The following TRPV3 variants were observed in gnomAD, a reference collection of about 807,000 sequenced individuals.
The protein encoded by TRPV3 is VRL-3.
In TRPV3, 88 loss-of-function variants were observed where a neutral mutation model predicts 87.1. The ratio of observed to expected loss-of-function variants is 1.01; its 90% CI spans 0.85 to 1.21. The LOEUF is 1.21. Ranked by LOEUF, TRPV3 falls within the 50% of genes most tolerant of loss-of-function variation. The probability of loss-of-function intolerance (pLI) is 0.00; values close to 1 mark genes in which losing one functional copy is unlikely to be tolerated. For synonymous variants in TRPV3, 438 were observed against 423.3 expected, an observed-to-expected ratio of 1.03 and a Z score of -0.43; for missense variants, 1,054 against 1,030.1, an observed-to-expected ratio of 1.02 and a Z score of -0.32.
At position 3,513,854 on chromosome 17, in the gene TRPV3, G is replaced by C. The variant is rs545886104; in HGVS notation, c.*63C>G. ...CCATCCCTCAAAGCCTCTCTGCACA[G>C]AGTCGGTGACTCCGCCTGCAGCGCC... On this transcript the variant is annotated 3_prime_UTR_variant, in exon 18 of 18. Transcript: ENST00000576742. 7.2e-4 allele frequency: 1,016 copies of C among 1,404,968 alleles called. 5 individuals are homozygous for C. In the African/African-American group the frequency reaches 0.01, roughly 14 times the overall value. 87.0% of individuals were successfully genotyped at this position (1,404,968 alleles called of 1,614,324 possible).
At position 3,516,471 on chromosome 17, in the gene TRPV3, GA is replaced by G; in HGVS notation, c.2183del (p.Phe728SerfsTer10). The G allele has an allele frequency of 6.2e-7, 1 of 1,614,030 alleles. No individual in the cohort carries two copies. The highest frequency in any genetic ancestry group is 1.7e-5 in the Admixed American group (1 of 60,004). ...CCCTTTGTTACCGCAAACACAGTCG[GA>G]AATCATCCTCGGCCACTTTGCACAG... ...GELCKVAEDD[F>X]RLCLRINEVK... is the part of the protein sequence containing the mutation. On this transcript the variant is annotated frameshift_variant, in exon 16 of 18. Coordinates refer to ENST00000576742, the MANE Select transcript of TRPV3 (RefSeq NM_145068.4). LOFTEE classifies it high-confidence loss of function.
intron 15 of TRPV3, among the ~76,000 whole-genome samples, chr17:3,517,810 CT>C (rs71153363): frequency 0.87 from 98,367 of 113,170 alleles, 42,551 homozygotes; most frequent in South Asian, 0.95. Flanking sequence ...ATGAGCATTT[CT>C]TTTTTTTTTT....
intron 6 of TRPV3, among the ~76,000 whole-genome samples, chr17:3,539,335 A>T (rs2074437480): frequency 6.6e-6 from 1 of 151,974 alleles, no homozygotes; most frequent in Non-Finnish European, 1.5e-5. Context: ...GGGCTGCTTT[A>T]CAATGAAACT....
At chr17:3,551,913 T>A (rs1281186738) in intron 2 of TRPV3, among the ~76,000 whole-genome samples, 2 of 130,460 alleles carry the variant, frequency 1.5e-5, no homozygotes, top group Admixed American at 1.7e-4. Context: ...GATGGAATCT[T>A]GCTATGTCAC....
chr17:3,534,691 T>G (rs1441974950), intron 7 of TRPV3, among the ~76,000 whole-genome samples: 1 of 152,000 alleles, frequency 6.6e-6, no homozygotes, highest in African/African-American at 2.4e-5. Flanking sequence ...GCTTCTGGAC[T>G]CTGTGACTTG....
chr17:3,516,346 G>T, intron 16 of TRPV3, 111 bp downstream of exon 16: 1 of 843,556 alleles, frequency 1.2e-6, no homozygotes, highest in Non-Finnish European at 2.0e-6. Context: ...GACAGTAGCT[G>T]TGGTTATGGT....
Position 3,536,874 on chromosome 17 carries a change from G to T in TRPV3, c.644-1161C>A, listed in dbSNP as rs143371681. Among the ~76,000 whole-genome samples, 1,239 of 152,296 alleles carry T rather than the reference G, an allele frequency of 8.1e-3. 11 individuals carry two copies. Among genetic ancestry groups the T allele is most frequent in the Non-Finnish European group, 0.011 (746 of 68,012 alleles). On this transcript the variant is annotated intron_variant, in intron 6 of 17. Transcript: ENST00000576742. ...AGATGGAAGGGACCAGAAGGCTGGA[G>T]TGGGGGAAGGGTCTCGAAATGCACC...
chr17:3,549,108 G>A (rs1436032735), intron 2 of TRPV3, among the ~76,000 whole-genome samples: 2 of 152,152 alleles, frequency 1.3e-5, no homozygotes, highest in Non-Finnish European at 2.9e-5. Flanking sequence ...AAAACATCCT[G>A]GTTGAGATTT....
In TRPV3 at chr17:3,556,839, C is replaced by T. The variant is rs542895552; in HGVS notation, c.-3+837G>A. Among the ~76,000 whole-genome samples, 41 of 152,248 alleles carry T rather than the reference C, an allele frequency of 2.7e-4. No homozygotes were observed. Among genetic ancestry groups the T allele is most frequent in the African/African-American group, 9.6e-4 (40 of 41,538 alleles). ...GGCAGCCTCTATGGCTTTCCCCATC[C>T]CCACGTGGCCTTTGGTGGACTAAAA... On this transcript the variant is annotated intron_variant, in intron 1 of 17. Coordinates refer to ENST00000576742, the MANE Select transcript of TRPV3 (RefSeq NM_145068.4). The surrounding 1 kb of genome is among the most constrained non-coding windows in gnomAD (Gnocchi z 4.2).
chr17:3,513,738 A>G lies in TRPV3; in HGVS notation c.*179T>C. ...AAAATCCAGGATGTTTCCCACTCAG[A>G]CAAATTGACAACTGCCCCTCAGTTC... On this transcript the variant is annotated 3_prime_UTR_variant, in exon 18 of 18. Coordinates refer to ENST00000576742, the MANE Select transcript of TRPV3 (RefSeq NM_145068.4). 1.9e-6 allele frequency: 1 copy of G among 523,626 alleles called. No individual in the cohort carries two copies. Among genetic ancestry groups the G allele is most frequent in the East Asian group, 2.9e-5 (1 of 34,214 alleles). 32.4% of individuals were successfully genotyped at this position (523,626 alleles called of 1,614,324 possible). A position where few individuals can be genotyped will look rare whatever the true frequency, so the allele number is the denominator to read the frequency against.
chr17:3,532,309 G>A (rs766545090), intron 8 of TRPV3, among the ~76,000 whole-genome samples: 13 of 152,238 alleles, frequency 8.5e-5, no homozygotes, highest in South Asian at 2.1e-4. Flanking sequence ...TGGAACTCCC[G>A]TCCTCGTGAG....
chr17:3,537,513 C>T (rs1032344618), intron 6 of TRPV3, among the ~76,000 whole-genome samples: 4 of 152,118 alleles, frequency 2.6e-5, no homozygotes, highest in Non-Finnish European at 4.4e-5. Context: ...TCAAGCAATC[C>T]CCCTACCTCG....
At position 3,535,338 on chromosome 17, in the gene TRPV3, T is replaced by C. The variant is rs111210236; in HGVS notation, c.784+235A>G. On this transcript the variant is annotated intron_variant, in intron 7 of 17. Coordinates refer to ENST00000576742, the MANE Select transcript of TRPV3 (RefSeq NM_145068.4). The stretch of plus-strand genomic sequence containing the variant: ...TTTCTCCCTCCTCCCTTCCTTCCTC[T>C]CCCTCCTCCCTTCCTTCCTCCCTCA... Among the ~76,000 whole-genome samples, 478 of 92,294 alleles carry C rather than the reference T, an allele frequency of 5.2e-3. 6 individuals carry two copies. Among genetic ancestry groups the C allele is most frequent in the African/African-American group, 0.018 (437 of 24,886 alleles). 60.5% of individuals were successfully genotyped at this position (92,294 alleles called of 152,430 possible).
At position 3,535,664 on chromosome 17, in the gene TRPV3, TGC is replaced by T; in HGVS notation, c.691_692del (p.Ala231SerfsTer32). 1 of 1,601,564 alleles carries T rather than the reference TGC, an allele frequency of 6.2e-7. No individual in the cohort carries two copies. The highest frequency in any genetic ancestry group is 1.1e-5 in the South Asian group (1 of 89,732). On this transcript the variant is annotated frameshift_variant, in exon 7 of 18. Coordinates refer to ENST00000576742, the MANE Select transcript of TRPV3 (RefSeq NM_145068.4). LOFTEE classifies it high-confidence loss of function. ...CGGCGCCGGCGGCGATGAGCAGGGC[TGC>T]GATGTCCCCCTGCCGCCGCTCGATG... Reference protein sequence around the residue: ...IAIERRQGDIAALLIAAGADV... With the variant: ...IAIERRQGDIXALLIAAGADV...
chr17:3,524,286 A>G lies in TRPV3; in HGVS notation c.1655T>C (p.Val552Ala). The G allele has an allele frequency of 6.2e-7, 1 of 1,614,284 alleles. No individual in the cohort carries two copies. The highest frequency in any genetic ancestry group is 8.5e-7 in the Non-Finnish European group (1 of 1,180,046). The change falls in exon 13 of 18, where the codon GTG becomes GCG. Residue 552 changes from valine to alanine, a missense_variant. Val to Ala is a moderately conservative substitution (Grantham distance 64). Transcript: ENST00000576742. The part of the protein sequence containing the change: ...FAYKEYLACL[V>A]LAMALGWANM... ...CGCCCAGCCCAGGGCCATGGCCAGC[A>G]CGAGGCAGGCGAGGTACTCTTTGTA...
chr17:3,531,813 G>A lies in TRPV3; in HGVS notation c.1065+844C>T, dbSNP rs184270078. The stretch of plus-strand genomic sequence containing the variant: ...CGTTCTCCATCTCCTCCTCCCCCAC[G>A]GGAGAATCAAAAGGCCCCTTGTGGG... On this transcript the variant is annotated intron_variant, in intron 8 of 17. Coordinates refer to ENST00000576742, the MANE Select transcript of TRPV3 (RefSeq NM_145068.4). 7.5e-3 allele frequency among the ~76,000 whole-genome samples: 1,138 copies of A among 152,284 alleles called. 10 individuals carry two copies. Among genetic ancestry groups the A allele is most frequent in the Non-Finnish European group, 0.012 (845 of 68,014 alleles).
intron 12 of TRPV3, among the ~76,000 whole-genome samples, chr17:3,526,435 G>A (rs141898245): frequency 0.016 from 2,487 of 151,920 alleles, 65 homozygotes; most frequent in African/African-American, 0.056. Context: ...CCGAGGTCAC[G>A]CCACTGCACT....
intron 16 of TRPV3, among the ~76,000 whole-genome samples, chr17:3,515,771 C>G (rs1025438978): frequency 6.6e-6 from 1 of 152,136 alleles, no homozygotes; most frequent in African/African-American, 2.4e-5. Flanking sequence ...AAAGGGGCCT[C>G]AAGTCACCCG....
rs1346340941 is a variant in TRPV3, at chr17:3,550,054, AATG to A, written c.119+4675_119+4677del. Among the ~76,000 whole-genome samples the A allele has an allele frequency of 5.3e-5, 8 of 150,426 alleles. No homozygotes were observed. The East Asian group carries it at 1.4e-3, about 26-fold the overall frequency. On this transcript the variant is annotated intron_variant, in intron 2 of 17. Coordinates refer to ENST00000576742, the MANE Select transcript of TRPV3 (RefSeq NM_145068.4). ...TGAATAGATGACGGATGGGTGAATA[AATG>A]ATGGATGGATGGATGGATGGATAAT... is the stretch of plus-strand genomic sequence containing the variant.
Sources: gnomAD v4.1 joint callset for allele counts (sites outside exome capture counted in the v4.1 genomes callset) on GRCh38, gnomAD v4.1.1 for gene constraint, Gnocchi (gnomAD v3.1) non-coding constraint, MANE v1.5 for transcripts, NCBI Gene and HGNC (gene_info 2026-07-23, HGNC 2026-07-21) for gene names.